KLKB1: variants seen among roughly 807,000 people sequenced by gnomAD.
KLKB1 encodes the protein kallikrein B1, also known as plasma kallikrein.
In KLKB1, 58 loss-of-function variants were observed where a neutral mutation model predicts 73.6. The observed-to-expected ratio is 0.79, with a 90% confidence interval of 0.64 to 0.98. The LOEUF (loss-of-function observed/expected upper bound fraction) is 0.98. KLKB1 is among the 50% of genes least tolerant of loss of function. KLKB1 has a pLI of 0.00. For synonymous variants in KLKB1, 280 were observed against 258.1 expected, an observed-to-expected ratio of 1.08 and a Z score of -0.81; for missense variants, 737 against 763.8, an observed-to-expected ratio of 0.96 and a Z score of 0.41.
intron 7 of KLKB1, among the ~76,000 whole-genome samples, chr4:186,250,855 T>C (rs1050912474): frequency 3.3e-5 from 5 of 152,208 alleles, no homozygotes; most frequent in Non-Finnish European, 5.9e-5. Flanking sequence ...CCCACCCTCT[T>C]CTGCACACAG....
chr4:186,238,848 T>G (rs1737845236), intron 6 of KLKB1, among the ~76,000 whole-genome samples: 1 of 152,218 alleles, frequency 6.6e-6, no homozygotes, highest in Non-Finnish European at 1.5e-5. Context: ...TTTGTGGTTA[T>G]GCCCCTAGAG....
chr4:186,236,668 G>T, intron 4 of KLKB1, 113 bp from the exon 5 acceptor site: 1 of 977,634 alleles, frequency 1.0e-6, no homozygotes. Flanking sequence ...TATAGCAGTT[G>T]CCAAAACTGG....
Position 186,241,187 on chromosome 4 carries a change from G to A in KLKB1, c.598+2822G>A, listed in dbSNP as rs1168450787. Among the ~76,000 whole-genome samples the A allele has an allele frequency of 4.6e-5, 7 of 152,220 alleles. No homozygotes were observed. In the South Asian group the frequency reaches 8.3e-4, roughly 18 times the overall value. The stretch of plus-strand genomic sequence containing the variant: ...ACATGCCTCCTAAACCTAGAGTAGG[G>A]CTGTCTCCTGGCCTAACTGCCCAAA... On this transcript the variant is annotated intron_variant, in intron 6 of 14. Transcript: ENST00000264690.
intron 6 of KLKB1, among the ~76,000 whole-genome samples, chr4:186,241,879 C>T (rs1738069191): frequency 6.6e-6 from 1 of 152,122 alleles, no homozygotes; most frequent in Non-Finnish European, 1.5e-5. Context: ...TAGTGCCCAA[C>T]ATATTAGATA....
At chr4:186,216,603 C>T (rs937106797) in intron 2 of KLKB1, among the ~76,000 whole-genome samples, 7 of 152,018 alleles carry the variant, frequency 4.6e-5, no homozygotes, top group South Asian at 2.1e-4. Context: ...CATCCTGGCA[C>T]GTGTCTAAGG....
At chr4:186,239,928 TGTTATA>T (rs775321708) in intron 6 of KLKB1, among the ~76,000 whole-genome samples, 3 of 146,334 alleles carry the variant, frequency 2.1e-5, no homozygotes, top group Non-Finnish European at 4.5e-5. Flanking sequence ...ACAGTGATAT[TGTTATA>T]GTTATAGGAA....
Position 186,258,186 on chromosome 4 carries a change from A to G in KLKB1, c.1891A>G (p.Lys631Glu), listed in dbSNP as rs769062623. The change falls in exon 15 of 15, where the codon AAA (lysine) becomes GAA (glutamate). Residue 631 changes from lysine (K) to glutamate (E), a missense_variant. Physicochemically the swap from Lys to Glu is moderately conservative, Grantham distance 56. Coordinates refer to ENST00000264690, the MANE Select transcript of KLKB1 (RefSeq NM_000892.5). The part of the protein sequence containing the change: ...ILEKTQSSDG[K>E]AQMQSPA ...AGAGAAAACACAGAGCAGTGATGGAAAAGCTCAGATGCAGTCACCAGCATG... is the reference window on the plus strand; with the variant it reads ...AGAGAAAACACAGAGCAGTGATGGAGAAGCTCAGATGCAGTCACCAGCATG... The G allele has an allele frequency of 1.2e-5, 20 of 1,614,030 alleles. No individual in the cohort carries two copies. The Admixed American group carries it at 2.0e-4, about 16-fold the overall frequency.
At chr4:186,232,387 GGGGTTCAA>G in intron 3 of KLKB1, 98 bp downstream of exon 3, 1 of 1,136,720 alleles carries the variant, frequency 8.8e-7, no homozygotes, top group South Asian at 1.3e-5. Flanking sequence ...TTCCTCACAC[GGGGTTCAA>G]GGACCAGCTT....
At chr4:186,252,490 T>A (rs1473732300) in intron 11 of KLKB1, among the ~76,000 whole-genome samples, 1 of 147,378 alleles carries the variant, frequency 6.8e-6, no homozygotes, top group Non-Finnish European at 1.5e-5. Flanking sequence ...CCACCACCAA[T>A]CCTGCCACCC....
rs559771457 is a variant in KLKB1, at chr4:186,239,901, C to G, written c.598+1536C>G. Among the ~76,000 whole-genome samples, 11 of 139,366 alleles carry G rather than the reference C, an allele frequency of 7.9e-5. 1 individual carries two copies. The highest frequency in any genetic ancestry group is 3.0e-4 in the African/African-American group (11 of 36,210). The allele number at this position is 139,366 out of a possible 152,430, so 91.4% of individuals were successfully genotyped here. A position where few individuals can be genotyped will look rare whatever the true frequency, so the allele number is the denominator to read the frequency against. On this transcript the variant is annotated intron_variant, in intron 6 of 14. Coordinates refer to ENST00000264690, the MANE Select transcript of KLKB1 (RefSeq NM_000892.5). ...GTTATAGGAAACTAGTACGGTGATA[C>G]TGTTATAGTTATAGGTACAGTGATA...
At chr4:186,232,389 G>A (rs922345776) in intron 3 of KLKB1, 100 bp downstream of exon 3, 3 of 1,132,328 alleles carry the variant, frequency 2.6e-6, no homozygotes, top group African/African-American at 1.5e-5. Flanking sequence ...CCTCACACGG[G>A]GTTCAAGGAC....
intron 2 of KLKB1, among the ~76,000 whole-genome samples, chr4:186,219,405 T>G (rs1736982971): frequency 6.6e-6 from 1 of 152,200 alleles, no homozygotes; most frequent in African/African-American, 2.4e-5. Context: ...ACAGCTATCC[T>G]TCGTACAACC....
chr4:186,231,600 C>T (rs1413865948), intron 2 of KLKB1, among the ~76,000 whole-genome samples: 1 of 152,226 alleles, frequency 6.6e-6, no homozygotes, highest in Non-Finnish European at 1.5e-5. Context: ...GCTGGGTGAC[C>T]GTCACAGGAC....
chr4:186,246,063 C>T (rs1194851809), intron 6 of KLKB1, among the ~76,000 whole-genome samples: 1 of 151,810 alleles, frequency 6.6e-6, no homozygotes, highest in African/African-American at 2.4e-5. Flanking sequence ...GCTCCAACCA[C>T]CTCTTTAAGA....
chr4:186,223,761 T>G (rs1451015640), upstream of KLKB1, among the ~76,000 whole-genome samples: 2 of 152,148 alleles, frequency 1.3e-5, no homozygotes, highest in Non-Finnish European at 2.9e-5. Flanking sequence ...GACCATGTGG[T>G]AGAAAAGAAA....
chr4:186,255,013 T>C (rs899761165), intron 12 of KLKB1, among the ~76,000 whole-genome samples: 1 of 152,172 alleles, frequency 6.6e-6, no homozygotes, highest in Non-Finnish European at 1.5e-5. Context: ...ATGGAAATAA[T>C]GGGCGTGGGA....
chr4:186,254,696 C>G lies in KLKB1; in HGVS notation c.1422C>G (p.Asn474Lys). ...TAAAAGAGATTATTATTCACCAAAACTATAAAGTCTCAGAAGGGAATCATG... is the reference window on the plus strand; with the variant it reads ...TAAAAGAGATTATTATTCACCAAAAGTATAAAGTCTCAGAAGGGAATCATG... Reference protein sequence around the residue: ...SQIKEIIIHQNYKVSEGNHDI... With the variant: ...SQIKEIIIHQKYKVSEGNHDI... Residue 474 changes from asparagine to lysine, a missense_variant, in exon 12 of 15, where the codon AAC (asparagine) becomes AAG (lysine). Transcript: ENST00000264690. 6.2e-7 allele frequency: 1 copy of G among 1,613,780 alleles called. No homozygotes were observed. Among genetic ancestry groups the G allele is most frequent in the Non-Finnish European group, 8.5e-7 (1 of 1,179,684 alleles).
rs533923121 is a variant in KLKB1, at chr4:186,242,082, C to T, written c.598+3717C>T. 5.3e-5 allele frequency among the ~76,000 whole-genome samples: 8 copies of T among 149,768 alleles called. No homozygotes were observed. In the South Asian group the frequency reaches 1.7e-3, roughly 32 times the overall value. On this transcript the variant is annotated intron_variant, in intron 6 of 14. Coordinates refer to ENST00000264690, the MANE Select transcript of KLKB1 (RefSeq NM_000892.5). The stretch of plus-strand genomic sequence containing the variant: ...TCAGTGAAGGGAGATGGGGTGGGGA[C>T]GTTTTATAGGATTTGGGTAGGTAGT...
At chr4:186,215,455 CTT>C (rs1210873208) in intron 2 of KLKB1, among the ~76,000 whole-genome samples, 1 of 136,148 alleles carries the variant, frequency 7.3e-6, no homozygotes. Context: ...GCTTGCTTTC[CTT>C]TTTTTTTTTC....
Sources: allele counts gnomAD v4.1 joint callset (sites outside exome capture counted in the v4.1 genomes callset), GRCh38; gene constraint gnomAD v4.1.1; transcripts MANE v1.5; gene names NCBI Gene and HGNC (gene_info 2026-07-23, HGNC 2026-07-21).